CXADR: variants seen among roughly 807,000 people sequenced by gnomAD.
CXADR encodes the protein coxsackievirus and adenovirus receptor.
CXADR carries 20 observed loss-of-function variants against 40.3 expected under a neutral mutation model. That is an observed-to-expected ratio of 0.50 (90% CI 0.35 to 0.72). The LOEUF is 0.72. CXADR is among the 30% of genes least tolerant of loss of function. The pLI is 0.01. For missense variants in CXADR, 332 were observed against 449.1 expected (o/e 0.74, Z 2.36); for synonymous variants, 150 against 161.3 (o/e 0.93, Z 0.53).
chr21:17,540,225 A>C (rs2060809910), intron 1 of CXADR, among the ~76,000 whole-genome samples: 1 of 152,076 alleles, frequency 6.6e-6, no homozygotes, highest in African/African-American at 2.4e-5. Flanking sequence ...TCACTTCCTT[A>C]AAAGCCCTAC....
chr21:17,518,883 C>G, intron 1 of CXADR: 1 of 1,570,116 alleles, frequency 6.4e-7, no homozygotes. Context: ...AACTCTGAAG[C>G]TTTTTGTCAT....
At chr21:17,540,594 G>A (rs1265988098) in intron 1 of CXADR, among the ~76,000 whole-genome samples, 1 of 152,152 alleles carries the variant, frequency 6.6e-6, no homozygotes, top group Non-Finnish European at 1.5e-5. Flanking sequence ...AGGTGAGCTT[G>A]AATTTCTTAC....
the CXADR span, among the ~76,000 whole-genome samples, chr21:17,629,931 G>T: frequency 6.6e-6 from 1 of 152,180 alleles, no homozygotes; most frequent in East Asian, 1.9e-4. Flanking sequence ...TTCTGTTTAG[G>T]AAAACACCAA....
At chr21:17,582,910 CTAAG>C (rs1408975847) in intron 7 of CXADR, among the ~76,000 whole-genome samples, 1 of 152,162 alleles carries the variant, frequency 6.6e-6, no homozygotes, top group Non-Finnish European at 1.5e-5. Flanking sequence ...TTTAATGTTT[CTAAG>C]TAAGACATCT....
chr21:17,568,773 G>T lies in CXADR; in HGVS notation c.*3081G>T. ...CTTAACTAATATGATTCCCTTGTTA[G>T]AGAGCCTCTCACTCCCCCACCCCCA... is the stretch of plus-strand genomic sequence containing the variant. On this transcript the variant is annotated 3_prime_UTR_variant, in exon 7 of 7. Coordinates refer to ENST00000284878, the MANE Select transcript of CXADR (RefSeq NM_001338.5). 1 of 984,952 alleles carries T rather than the reference G, an allele frequency of 1.0e-6. No homozygotes were observed. Among genetic ancestry groups the T allele is most frequent in the South Asian group, 4.7e-5 (1 of 21,246 alleles). 61.0% of individuals were successfully genotyped at this position (984,952 alleles called of 1,614,324 possible).
chr21:17,576,576 C>T (rs115785187), intron 7 of CXADR, among the ~76,000 whole-genome samples: 1,818 of 152,084 alleles, frequency 0.012, 39 homozygotes, highest in African/African-American at 0.042. Flanking sequence ...CCCACTTTTC[C>T]GGGGGTAGAT....
At chr21:17,616,422 G>A in the CXADR span, among the ~76,000 whole-genome samples, 402 of 137,894 alleles carry the variant, frequency 2.9e-3, 6 homozygotes, top group African/African-American at 9.3e-3. Flanking sequence ...TGCAAGCTCC[G>A]CCTGCCAGGT....
chr21:17,546,178 G>C (rs2060894748), intron 1 of CXADR, among the ~76,000 whole-genome samples: 1 of 152,166 alleles, frequency 6.6e-6, no homozygotes, highest in Admixed American at 6.5e-5. Flanking sequence ...GCATTCAATA[G>C]AAGGTTATAG....
At chr21:17,620,233 ACT>A in the CXADR span, among the ~76,000 whole-genome samples, 1 of 151,672 alleles carries the variant, frequency 6.6e-6, no homozygotes, top group Non-Finnish European at 1.5e-5. Flanking sequence ...GAGATGTGTG[ACT>A]CTTTTTTTCA....
the CXADR span, among the ~76,000 whole-genome samples, chr21:17,618,584 C>T: frequency 1.3e-5 from 2 of 152,034 alleles, no homozygotes; most frequent in African/African-American, 4.8e-5. Flanking sequence ...GTCGCCCAGG[C>T]TGGAGTGCAA....
At chr21:17,581,841 C>CT (rs2061362176) in intron 7 of CXADR, among the ~76,000 whole-genome samples, 1 of 65,940 alleles carries the variant, frequency 1.5e-5, no homozygotes, top group East Asian at 5.6e-4. Context: ...GGCTAAGACT[C>CT]TGTCTCAAAA....
At chr21:17,630,628 GAA>G in the CXADR span, among the ~76,000 whole-genome samples, 628 of 142,952 alleles carry the variant, frequency 4.4e-3, 7 homozygotes, top group African/African-American at 0.015. Context: ...TAAATGTAGA[GAA>G]GACTTCCTTC....
In CXADR at chr21:17,540,926, A is replaced by C. The variant is rs530235647; in HGVS notation, c.44-6101A>C. On this transcript the variant is annotated intron_variant, in intron 1 of 6. Transcript: ENST00000284878. ...CTAATTTATATTTATTTAATTATAA[A>C]TATGGTTGTGTGCTCTCTTGTTAAT... is the stretch of plus-strand genomic sequence containing the variant. 3.9e-5 allele frequency among the ~76,000 whole-genome samples: 6 copies of C among 152,296 alleles called. No individual in the cohort carries two copies. In the East Asian group the frequency reaches 9.6e-4, roughly 24 times the overall value.
the CXADR span, among the ~76,000 whole-genome samples, chr21:17,616,927 T>C: frequency 6.6e-6 from 1 of 152,172 alleles, no homozygotes; most frequent in Non-Finnish European, 1.5e-5. Flanking sequence ...AAAGAAAATT[T>C]GCAATCTTCA....
intron 1 of CXADR, among the ~76,000 whole-genome samples, chr21:17,524,268 T>C (rs917227559): frequency 1.3e-5 from 2 of 151,868 alleles, no homozygotes; most frequent in African/African-American, 4.8e-5. Flanking sequence ...CTTTTTTCAG[T>C]AGTTACCCAG....
At chr21:17,603,767 T>C in the CXADR span, among the ~76,000 whole-genome samples, 6 of 152,206 alleles carry the variant, frequency 3.9e-5, no homozygotes, top group Admixed American at 2.0e-4. Flanking sequence ...TGGTCAACCA[T>C]GGCTCATCCT....
chr21:17,609,163 A>G, the CXADR span: 1 of 1,600,200 alleles, frequency 6.2e-7, no homozygotes, highest in Non-Finnish European at 8.5e-7. Context: ...CTGCAAAGAT[A>G]AAACATGTTT....
At chr21:17,538,289 C>T (rs1444659237) in intron 1 of CXADR, among the ~76,000 whole-genome samples, 1 of 152,042 alleles carries the variant, frequency 6.6e-6, no homozygotes, top group East Asian at 1.9e-4. Context: ...TGTGAGCCAC[C>T]GCGCCCAGCA....
At chr21:17,610,817 C>T in the CXADR span, among the ~76,000 whole-genome samples, 19 of 152,310 alleles carry the variant, frequency 1.2e-4, no homozygotes, top group South Asian at 3.1e-3. Context: ...AAAAATAAAG[C>T]TGATTGTTAG....
Sources: gnomAD v4.1 joint callset for allele counts (sites outside exome capture counted in the v4.1 genomes callset) on GRCh38, gnomAD v4.1.1 for gene constraint, MANE v1.5 for transcripts, NCBI Gene and HGNC (gene_info 2026-07-23, HGNC 2026-07-21) for gene names.